API5: variants seen among roughly 807,000 people sequenced by gnomAD.
API5 encodes the protein apoptosis inhibitor 5.
Under a neutral mutation model 71.9 loss-of-function variants are expected in API5, and 6 were observed. That is an observed-to-expected ratio of 0.08 (90% CI 0.05 to 0.16). The LOEUF (loss-of-function observed/expected upper bound fraction) is 0.16. API5 is among the 10% of genes least tolerant of loss of function. The probability of loss-of-function intolerance (pLI) is 1.00; values close to 1 mark genes in which losing one functional copy is unlikely to be tolerated. For synonymous variants in API5, 189 were observed against 221.3 expected, an observed-to-expected ratio of 0.85 and a Z score of 1.30; for missense variants, 332 against 612.8, an observed-to-expected ratio of 0.54 and a Z score of 4.84.
chr11:43,328,838 C>T lies in API5; in HGVS notation c.1072C>T (p.Pro358Ser). 6.2e-7 allele frequency: 1 copy of T among 1,613,974 alleles called. No homozygotes were observed. The highest frequency in any genetic ancestry group is 1.1e-5 in the South Asian group (1 of 91,090). Residue 358 changes from proline to serine, a missense_variant, in exon 9 of 14, where the codon CCA becomes TCA. Physicochemically the swap from Pro to Ser is moderately conservative, Grantham distance 74. Around this residue, in one of 3 missense-constraint regions of API5, gnomAD observed 168 missense variants for 343.9 expected, o/e 0.49. Transcript: ENST00000531273. ...YSFHQLGRKLPDFLTAKLNAE... is the reference protein window; with the variant it reads ...YSFHQLGRKLSDFLTAKLNAE... ...TTTTCACCAGTTGGGCCGAAAACTTCCAGATTTCTTAACAGCCAAACTGAA... is the reference window on the plus strand; with the variant it reads ...TTTTCACCAGTTGGGCCGAAAACTTTCAGATTTCTTAACAGCCAAACTGAA...
intron 1 of API5, among the ~76,000 whole-genome samples, chr11:43,313,243 C>T (rs1006616289): frequency 6.6e-6 from 1 of 152,090 alleles, no homozygotes; most frequent in South Asian, 2.1e-4. Flanking sequence ...GCTCTCTTAA[C>T]GATGCTTGCC....
chr11:43,318,342 T>G lies in API5; in HGVS notation c.70-298T>G, dbSNP rs748211089. The G allele has an allele frequency of 9.9e-4, 1,283 of 1,302,176 alleles. 2 individuals carry two copies. The highest frequency in any genetic ancestry group is 1.3e-3 in the Non-Finnish European group (1,202 of 946,078). The allele number at this position is 1,302,176 out of a possible 1,614,324, so 80.7% of individuals were successfully genotyped here. On this transcript the variant is annotated intron_variant, in intron 1 of 13. Transcript: ENST00000531273. ...ATTTTTTAAGCATGATACAGTCACA[T>G]GGCCAGAGTTAATAATCACTAGAAT...
intron 13 of API5, among the ~76,000 whole-genome samples, chr11:43,341,139 C>A (rs540380799): frequency 6.6e-6 from 1 of 152,050 alleles, no homozygotes; most frequent in African/African-American, 2.4e-5. Context: ...CAAAAGAAGA[C>A]GTACAAATGG....
In API5 at chr11:43,326,592, G is replaced by A. The variant is rs779329758; in HGVS notation, c.836G>A (p.Gly279Asp). The change falls in exon 7 of 14, where the codon GGT becomes GAT. Residue 279 changes from glycine to aspartate, a missense_variant. By Grantham distance (94) the Gly-to-Asp change is moderately conservative. Around this residue, in one of 3 missense-constraint regions of API5, gnomAD observed 168 missense variants for 343.9 expected, o/e 0.49. Coordinates refer to ENST00000531273, the MANE Select transcript of API5 (RefSeq NM_001142930.2). Reference sequence around the variant, plus strand: ...GGTACCTTGACTACCCCAGTGGAAGGTCTTGATATACAGTTGGAGGTAAGC... The same window carrying A: ...GGTACCTTGACTACCCCAGTGGAAGATCTTGATATACAGTTGGAGGTAAGC... ...NLGTLTTPVE[G>D]LDIQLEVLKL... is the part of the protein sequence containing the mutation. 1 of 1,607,272 alleles carries A rather than the reference G, an allele frequency of 6.2e-7. No homozygotes were observed. The highest frequency in any genetic ancestry group is 8.5e-7 in the Non-Finnish European group (1 of 1,175,670).
intron 5 of API5, among the ~76,000 whole-genome samples, chr11:43,323,027 A>G (rs556147703): frequency 4.8e-4 from 73 of 152,216 alleles, no homozygotes; most frequent in Non-Finnish European, 9.6e-4. Context: ...ATAGGATACA[A>G]TCTGATTCAA....
At chr11:43,331,436 AT>A (rs1215829118) in intron 11 of API5, 4 of 155,866 alleles carry the variant, frequency 2.6e-5, no homozygotes, top group Non-Finnish European at 5.7e-5. Context: ...TAATTAACAC[AT>A]TTTTTATATG....
intron 1 of API5, among the ~76,000 whole-genome samples, chr11:43,312,675 C>G (rs760145461): frequency 2.6e-5 from 4 of 152,104 alleles, no homozygotes; most frequent in Non-Finnish European, 5.9e-5. Context: ...AGAAGAGGGA[C>G]TCTTTGGTCC....
At chr11:43,318,185 T>A (rs1854741672) in intron 1 of API5, among the ~76,000 whole-genome samples, 1 of 152,022 alleles carries the variant, frequency 6.6e-6, no homozygotes, top group South Asian at 2.1e-4. Flanking sequence ...AATTTTTGTG[T>A]TTTAGTAGAG....
At chr11:43,337,759 T>C (rs555802872) in intron 13 of API5, among the ~76,000 whole-genome samples, 1 of 152,360 alleles carries the variant, frequency 6.6e-6, no homozygotes, top group Non-Finnish European at 1.5e-5. Context: ...TCTCAGATAC[T>C]GGGAGAATGG....
rs920875086 is a variant in API5 at position 43,328,594 on chromosome 11, G to A, written c.946-118G>A. On this transcript the variant is annotated intron_variant, in intron 8 of 13. Coordinates refer to ENST00000531273, the MANE Select transcript of API5 (RefSeq NM_001142930.2). ...AGTAAAAAAGAAATCCAAATGTCTG[G>A]TTTTGGTAGTTTTTAATGCTCCATG... is the stretch of plus-strand genomic sequence containing the variant. 4.6e-6 allele frequency: 4 copies of A among 877,644 alleles called. No individual in the cohort carries two copies. The African/African-American group carries it at 6.8e-5, about 15-fold the overall frequency. 54.4% of individuals were successfully genotyped at this position (877,644 alleles called of 1,614,324 possible).
intron 4 of API5, 53 bp downstream of exon 4, chr11:43,321,529 GT>G: frequency 7.3e-7 from 1 of 1,363,604 alleles, no homozygotes; most frequent in Admixed American, 1.9e-5. Flanking sequence ...GAATCACAAA[GT>G]TAGGTGTTAC....
intron 2 of API5, 27 bp downstream of exon 2, chr11:43,318,828 C>T: frequency 6.3e-7 from 1 of 1,594,314 alleles, no homozygotes; most frequent in Non-Finnish European, 8.6e-7. Flanking sequence ...CACTTCATAG[C>T]AATCTTTCAG....
intron 1 of API5, among the ~76,000 whole-genome samples, chr11:43,316,447 A>T (rs879640528): frequency 6.6e-6 from 1 of 151,504 alleles, no homozygotes; most frequent in Non-Finnish European, 1.5e-5. Context: ...TGGCTTTATG[A>T]GTAAGTTTGA....
chr11:43,327,745 C>A, intron 7 of API5, 44 bp from the exon 8 acceptor site: 2 of 1,391,052 alleles, frequency 1.4e-6, no homozygotes, highest in Non-Finnish European at 1.0e-6. Flanking sequence ...TTTCATAACC[C>A]TTGCTTATTC....
rs1855693810 is a variant in API5 at position 43,343,641 on chromosome 11, G to C, written c.*1131G>C. 1 of 152,490 alleles carries C rather than the reference G, an allele frequency of 6.6e-6. No homozygotes were observed. Among genetic ancestry groups the C allele is most frequent in the African/African-American group, 2.4e-5 (1 of 41,396 alleles). 9.4% of individuals were successfully genotyped at this position (152,490 alleles called of 1,614,324 possible). On this transcript the variant is annotated 3_prime_UTR_variant, in exon 14 of 14. Transcript: ENST00000531273. ...CCACTTTCAAGATTTTAACTTCTCA[G>C]GTTATTAATCAAAATTATTGTATAA...
At chr11:43,328,975 G>T (rs1299719434) in intron 9 of API5, 82 bp downstream of exon 9, 2 of 1,411,718 alleles carry the variant, frequency 1.4e-6, no homozygotes, top group African/African-American at 2.8e-5. Flanking sequence ...TTTGTTCTAT[G>T]AGAGCTCCCC....
chr11:43,327,647 C>CT (rs1299605202), intron 7 of API5, 142 bp from the exon 8 acceptor site: 4 of 592,512 alleles, frequency 6.8e-6, no homozygotes, highest in Non-Finnish European at 1.1e-5. Flanking sequence ...GCATCTATCT[C>CT]TAAGGTTTTC....
At chr11:43,313,964 C>T (rs1401163628) in intron 1 of API5, among the ~76,000 whole-genome samples, 1 of 152,084 alleles carries the variant, frequency 6.6e-6, no homozygotes, top group Admixed American at 6.6e-5. Context: ...TGGCATGCGC[C>T]TGAAGTCCCA....
At chr11:43,313,015 G>A (rs1199492769) in intron 1 of API5, among the ~76,000 whole-genome samples, 2 of 151,510 alleles carry the variant, frequency 1.3e-5, no homozygotes, top group Non-Finnish European at 2.9e-5. Context: ...GCTGAGGTGG[G>A]AGGATTGCTT....
Sources: gnomAD v4.1 joint callset for allele counts (sites outside exome capture counted in the v4.1 genomes callset) on GRCh38, gnomAD v4.1.1 for gene constraint, gnomAD v4.1.1 regional missense constraint, MANE v1.5 for transcripts, NCBI Gene and HGNC (gene_info 2026-07-23, HGNC 2026-07-21) for gene names.